Variants in SMIM14 observed in about 807,000 individuals in gnomAD.
SMIM14 encodes chromosome 4 open reading frame 34.
A neutral mutation model predicts 12.6 loss-of-function variants in SMIM14; 5 were observed. That is an observed-to-expected ratio of 0.40 (90% CI 0.21 to 0.83). The LOEUF (loss-of-function observed/expected upper bound fraction) is 0.83. Ranked by LOEUF, SMIM14 falls within the 40% of genes least tolerant of loss-of-function variation. The pLI is 0.37. For missense variants in SMIM14, 86 were observed against 119.1 expected (o/e 0.72, Z 1.29); for synonymous variants, 30 against 40.1 (o/e 0.75, Z 0.95).
At chr4:39,622,583 T>C (rs1715543280) in intron 1 of SMIM14, among the ~76,000 whole-genome samples, 1 of 152,102 alleles carries the variant, frequency 6.6e-6, no homozygotes, top group African/African-American at 2.4e-5. Flanking sequence ...TTATTTTTAG[T>C]AGAGACAGGG....
chr4:39,603,788 A>T (rs1399527394), intron 2 of SMIM14, among the ~76,000 whole-genome samples: 2 of 152,098 alleles, frequency 1.3e-5, no homozygotes, highest in East Asian at 3.9e-4. Flanking sequence ...AGGTTGGCAG[A>T]TCACCTGAGG....
chr4:39,579,891 G>A (rs769787411), intron 2 of SMIM14, among the ~76,000 whole-genome samples: 5 of 151,308 alleles, frequency 3.3e-5, no homozygotes, highest in Non-Finnish European at 5.9e-5. Flanking sequence ...GGGCTTAGGG[G>A]GAAATGTAGA....
intron 2 of SMIM14, among the ~76,000 whole-genome samples, chr4:39,574,654 A>C (rs1177370636): frequency 1.3e-5 from 2 of 152,216 alleles, no homozygotes; most frequent in Admixed American, 6.6e-5. Flanking sequence ...TAAGAGTACT[A>C]GTGAGAATTA....
chr4:39,613,253 A>G (rs1455699477), intron 1 of SMIM14, among the ~76,000 whole-genome samples: 3 of 152,138 alleles, frequency 2.0e-5, no homozygotes, highest in East Asian at 1.9e-4. Context: ...CTCTACATCT[A>G]TATGTGCCAG....
At chr4:39,599,040 C>T (rs544017001) in intron 2 of SMIM14, among the ~76,000 whole-genome samples, 28 of 152,286 alleles carry the variant, frequency 1.8e-4, no homozygotes, top group African/African-American at 6.3e-4. Context: ...ATAGCTCATC[C>T]TCTAGGAACT....
chr4:39,622,546 G>T (rs1031907180), intron 1 of SMIM14, among the ~76,000 whole-genome samples: 3 of 152,150 alleles, frequency 2.0e-5, no homozygotes, highest in African/African-American at 7.2e-5. Context: ...GATTACAGGT[G>T]TGTGCCACCA....
At chr4:39,554,958 C>G (rs948498245) in intron 4 of SMIM14, among the ~76,000 whole-genome samples, 2 of 150,946 alleles carry the variant, frequency 1.3e-5, no homozygotes, top group Admixed American at 6.6e-5. Context: ...GCCTCAGCCT[C>G]CCGAGTAGCT....
intron 1 of SMIM14, among the ~76,000 whole-genome samples, chr4:39,623,001 C>G (rs1715561935): frequency 6.6e-6 from 1 of 152,138 alleles, no homozygotes; most frequent in Non-Finnish European, 1.5e-5. Flanking sequence ...TTAAGAGATA[C>G]CAATCCTGAT....
Position 39,554,154 on chromosome 4 carries a change from G to C in SMIM14, c.268-1996C>G, listed in dbSNP as rs144945679. Among the ~76,000 whole-genome samples, 5 of 152,296 alleles carry C rather than the reference G, an allele frequency of 3.3e-5. No homozygotes were observed. In the East Asian group the frequency reaches 7.7e-4, roughly 24 times the overall value. On this transcript the variant is annotated intron_variant, in intron 4 of 4. Transcript: ENST00000295958. The stretch of plus-strand genomic sequence containing the variant: ...ATTCCACAAGGTAAAGGTTGGAAAA[G>C]AGAATTAGTGGGATAATTTGGTATA...
At chr4:39,634,995 G>A (rs899035830) in intron 1 of SMIM14, among the ~76,000 whole-genome samples, 19 of 152,110 alleles carry the variant, frequency 1.2e-4, no homozygotes, top group African/African-American at 4.6e-4. Flanking sequence ...GGTAGGAGAC[G>A]GAACATTTTT....
chr4:39,624,116 A>G (rs191519776), intron 1 of SMIM14, among the ~76,000 whole-genome samples: 1 of 152,314 alleles, frequency 6.6e-6, no homozygotes, highest in African/African-American at 2.4e-5. Context: ...CAGATTACCC[A>G]AAGTCTCAGT....
At chr4:39,599,118 TGACTTCCCTTCAG>T (rs1383095888) in intron 2 of SMIM14, among the ~76,000 whole-genome samples, 1 of 152,222 alleles carries the variant, frequency 6.6e-6, no homozygotes, top group Non-Finnish European at 1.5e-5. Context: ...GGACTGGTAA[TGACTTCCCTTCAG>T]GATTTTGAAG....
intron 1 of SMIM14, among the ~76,000 whole-genome samples, chr4:39,615,163 G>A (rs1398716622): frequency 6.6e-6 from 1 of 151,960 alleles, no homozygotes; most frequent in Non-Finnish European, 1.5e-5. Flanking sequence ...TTGAACTCCT[G>A]GGCTCAAGTG....
chr4:39,625,916 G>A (rs1199372822), intron 1 of SMIM14, among the ~76,000 whole-genome samples: 2 of 152,250 alleles, frequency 1.3e-5, no homozygotes, highest in Non-Finnish European at 2.9e-5. Flanking sequence ...CCACTGTATA[G>A]ATCAGGTATA....
intron 1 of SMIM14, among the ~76,000 whole-genome samples, chr4:39,629,654 G>T (rs1269363964): frequency 6.6e-6 from 1 of 151,820 alleles, no homozygotes; most frequent in Admixed American, 6.6e-5. Flanking sequence ...TTGAGATAGG[G>T]TCTCTGTTGC....
At chr4:39,571,600 T>C (rs1308571256) in intron 3 of SMIM14, among the ~76,000 whole-genome samples, 1 of 151,640 alleles carries the variant, frequency 6.6e-6, no homozygotes, top group Non-Finnish European at 1.5e-5. Context: ...TTTTTTTAAA[T>C]TAAAGAAAAA....
chr4:39,607,980 C>T (rs1714876334), intron 1 of SMIM14, among the ~76,000 whole-genome samples: 1 of 152,026 alleles, frequency 6.6e-6, no homozygotes, highest in Non-Finnish European at 1.5e-5. Context: ...AATTAGATAC[C>T]ACTTCATACC....
rs116111576 is a variant in SMIM14 at position 39,614,645 on chromosome 4, T to G, written c.-35-9465A>C. ...CCCCTATGCTACTTTTTAAAAATAT[T>G]TTTATATTTCCATAATAGTCATTTA... is the stretch of plus-strand genomic sequence containing the variant. On this transcript the variant is annotated intron_variant, in intron 1 of 4. Transcript: ENST00000295958. Among the ~76,000 whole-genome samples, 1,080 of 152,282 alleles carry G rather than the reference T, an allele frequency of 7.1e-3. 11 individuals carry two copies. Among genetic ancestry groups the G allele is most frequent in the African/African-American group, 0.025 (1,031 of 41,552 alleles).
chr4:39,560,709 C>A (rs1712265901), intron 3 of SMIM14, among the ~76,000 whole-genome samples: 1 of 151,972 alleles, frequency 6.6e-6, no homozygotes, highest in African/African-American at 2.4e-5. Context: ...CTTTAGTATT[C>A]CAAACAAAAA....
Sources: allele counts gnomAD v4.1 joint callset (sites outside exome capture counted in the v4.1 genomes callset), GRCh38; gene constraint gnomAD v4.1.1; transcripts MANE v1.5; gene names NCBI Gene and HGNC (gene_info 2026-07-23, HGNC 2026-07-21).